PTPRR: variants seen among roughly 807,000 people sequenced by gnomAD.
The protein encoded by PTPRR is receptor-type tyrosine-protein phosphatase R.
In PTPRR, 38 loss-of-function variants were observed where a neutral mutation model predicts 77.2. The ratio of observed to expected loss-of-function variants is 0.49; its 90% CI spans 0.38 to 0.65. PTPRR has a LOEUF of 0.65. Among genes scored for constraint, PTPRR ranks in the 30% least tolerant of loss-of-function variants. The probability of loss-of-function intolerance (pLI) is 0.00; values close to 1 mark genes in which losing one functional copy is unlikely to be tolerated. For missense variants in PTPRR, 744 were observed against 799.2 expected (o/e 0.93, Z 0.83); for synonymous variants, 299 against 283.1 (o/e 1.06, Z -0.57).
chr12:70,773,025 A>T (rs775015306), intron 2 of PTPRR, among the ~76,000 whole-genome samples: 1 of 152,042 alleles, frequency 6.6e-6, no homozygotes, highest in South Asian at 2.1e-4. Flanking sequence ...TTTGCCAGCA[A>T]TCCTTGGGAT....
chr12:70,787,712 C>T (rs941514410), intron 2 of PTPRR, among the ~76,000 whole-genome samples: 2 of 152,280 alleles, frequency 1.3e-5, no homozygotes, highest in African/African-American at 4.8e-5. Flanking sequence ...TCAAATCTGG[C>T]AGCCCTATAT....
At chr12:70,913,412 T>C (rs1304947749) in intron 1 of PTPRR, among the ~76,000 whole-genome samples, 1 of 152,194 alleles carries the variant, frequency 6.6e-6, no homozygotes, top group African/African-American at 2.4e-5. Context: ...ATTTTGAATG[T>C]GTAAATGTCT....
chr12:70,836,306 G>GTTT (rs5799004), intron 2 of PTPRR, among the ~76,000 whole-genome samples: 6 of 141,172 alleles, frequency 4.3e-5, no homozygotes, highest in South Asian at 2.2e-4. Context: ...CAAGACATGT[G>GTTT]TTTTTTTTTT....
At chr12:70,905,055 T>C (rs1893600150) in intron 1 of PTPRR, among the ~76,000 whole-genome samples, 1 of 149,372 alleles carries the variant, frequency 6.7e-6, no homozygotes, top group Non-Finnish European at 1.5e-5. Context: ...GCAGCTGGAA[T>C]AATTAGTAGA....
chr12:70,720,873 C>T (rs962282585), intron 6 of PTPRR, among the ~76,000 whole-genome samples: 2 of 152,166 alleles, frequency 1.3e-5, no homozygotes, highest in Non-Finnish European at 2.9e-5. Flanking sequence ...TTTCACCCCA[C>T]TCCCTCATCT....
intron 6 of PTPRR, among the ~76,000 whole-genome samples, chr12:70,743,679 G>C (rs532984444): frequency 6.6e-6 from 1 of 152,204 alleles, no homozygotes; most frequent in East Asian, 1.9e-4. Context: ...GGGGACAGAG[G>C]ATCTATTTAA....
At chr12:70,912,687 T>C (rs1337033100) in intron 1 of PTPRR, among the ~76,000 whole-genome samples, 1 of 152,178 alleles carries the variant, frequency 6.6e-6, no homozygotes, top group Non-Finnish European at 1.5e-5. Context: ...GCAGTCATTA[T>C]GAATAAAAAT....
chr12:70,905,384 A>G (rs1428255465), intron 1 of PTPRR, among the ~76,000 whole-genome samples: 1 of 151,922 alleles, frequency 6.6e-6, no homozygotes, highest in East Asian at 1.9e-4. Flanking sequence ...TCTTGTCTTC[A>G]TTGAGAGTTC....
At chr12:70,885,534 ATTTTTTT>A (rs34620002) in intron 2 of PTPRR, among the ~76,000 whole-genome samples, 1 of 137,072 alleles carries the variant, frequency 7.3e-6, no homozygotes, top group Admixed American at 7.6e-5. Flanking sequence ...ACAGTTAAGG[ATTTTTTT>A]TTTTTTTTTT....
intron 1 of PTPRR, among the ~76,000 whole-genome samples, chr12:70,895,835 A>G (rs1893418536): frequency 6.6e-6 from 1 of 151,682 alleles, no homozygotes; most frequent in East Asian, 1.9e-4. Flanking sequence ...AGCTTTATGA[A>G]TATACTCAAG....
chr12:70,736,180 G>C (rs987179504), intron 6 of PTPRR, among the ~76,000 whole-genome samples: 1 of 152,168 alleles, frequency 6.6e-6, no homozygotes, highest in South Asian at 2.1e-4. Context: ...TCAGATTAAG[G>C]AAAAAACTGA....
At position 70,684,120 on chromosome 12, in the gene PTPRR, A is replaced by T. The variant is rs1230759002; in HGVS notation, c.1497+7T>A. The T allele has an allele frequency of 6.2e-7, 1 of 1,613,240 alleles. No homozygotes were observed. Among genetic ancestry groups the T allele is most frequent in the Non-Finnish European group, 8.5e-7 (1 of 1,179,424 alleles). On this transcript the variant is annotated splice_region_variant and intron_variant, in intron 10 of 13. Transcript: ENST00000283228. ...TATAACATTCAGAACTTGATTAAAG[A>T]TCATACCTCATTTTTTTCTTTGAGT...
chr12:70,812,317 G>A (rs1184928705), intron 2 of PTPRR, among the ~76,000 whole-genome samples: 1 of 152,136 alleles, frequency 6.6e-6, no homozygotes, highest in Non-Finnish European at 1.5e-5. Context: ...GGGCAGCCAC[G>A]TGACACCCAA....
chr12:70,663,058 T>C (rs529290187), intron 10 of PTPRR, among the ~76,000 whole-genome samples: 9 of 152,352 alleles, frequency 5.9e-5, no homozygotes, highest in Middle Eastern at 3.4e-3. Flanking sequence ...AACAAACTTA[T>C]GTCTAATGAG....
At chr12:70,830,120 G>A (rs921392963) in intron 2 of PTPRR, among the ~76,000 whole-genome samples, 29 of 152,200 alleles carry the variant, frequency 1.9e-4, no homozygotes, top group African/African-American at 6.7e-4. Flanking sequence ...AAACAAAAAA[G>A]CGTGCTCCTG....
chr12:70,682,061 T>TTTTC (rs1491177176), intron 10 of PTPRR, among the ~76,000 whole-genome samples: 1 of 90,918 alleles, frequency 1.1e-5, no homozygotes, highest in African/African-American at 3.3e-5. Context: ...TTTTTTTTTT[T>TTTTC]GAGACGGAGT....
chr12:70,819,842 T>G (rs555707192), intron 2 of PTPRR, among the ~76,000 whole-genome samples: 131 of 152,210 alleles, frequency 8.6e-4, no homozygotes, highest in African/African-American at 2.9e-3. Context: ...ATGTGTACAC[T>G]TTCTACATCA....
chr12:70,729,573 G>A (rs1460228394), intron 6 of PTPRR, among the ~76,000 whole-genome samples: 1 of 152,044 alleles, frequency 6.6e-6, no homozygotes, highest in Non-Finnish European at 1.5e-5. Flanking sequence ...TTGGCCTTTT[G>A]AGAGGCCCCC....
At chr12:70,718,657 C>A (rs1045519125) in intron 6 of PTPRR, among the ~76,000 whole-genome samples, 1 of 152,152 alleles carries the variant, frequency 6.6e-6, no homozygotes, top group Non-Finnish European at 1.5e-5. Context: ...TTAGATGTTA[C>A]ATTAATCCTT....
Sources: gnomAD v4.1 joint callset for allele counts (sites outside exome capture counted in the v4.1 genomes callset) on GRCh38, gnomAD v4.1.1 for gene constraint, MANE v1.5 for transcripts, NCBI Gene and HGNC (gene_info 2026-07-23, HGNC 2026-07-21) for gene names.